Variants in SORCS2 observed in about 807,000 individuals in gnomAD.
SORCS2 encodes VPS10 domain-containing receptor SorCS2.
In SORCS2, 100 loss-of-function variants were observed where a neutral mutation model predicts 141.6. The observed-to-expected ratio is 0.71, with a 90% CI of 0.60 to 0.83. The LOEUF (loss-of-function observed/expected upper bound fraction) is 0.83, where lower values mean the gene tolerates loss of function less well. SORCS2 is among the 40% of genes least tolerant of loss of function. The pLI, the probability that SORCS2 is intolerant of heterozygous loss-of-function variation, is 0.00. For missense variants in SORCS2, 1,646 were observed against 1,560.2 expected, an observed-to-expected ratio of 1.05 and a Z score of -0.93; for synonymous variants, 789 against 676.9, an observed-to-expected ratio of 1.17 and a Z score of -2.57.
chr4:7,342,609 G>A (rs915097068), intron 1 of SORCS2, among the ~76,000 whole-genome samples: 2 of 152,094 alleles, frequency 1.3e-5, no homozygotes, highest in African/African-American at 4.8e-5. Flanking sequence ...AGGGACCTTG[G>A]GGCCCGGCCT....
chr4:7,657,805 A>AGTGAATGAGTGAGTGG (rs1207191139), intron 5 of SORCS2, among the ~76,000 whole-genome samples: 1 of 151,424 alleles, frequency 6.6e-6, no homozygotes, highest in Non-Finnish European at 1.5e-5. Flanking sequence ...TGAGTGAGTG[A>AGTGAATGAGTGAGTGG]GTGAATGAGT....
intron 1 of SORCS2, among the ~76,000 whole-genome samples, chr4:7,260,512 T>C (rs1714249828): frequency 6.6e-6 from 1 of 152,250 alleles, no homozygotes; most frequent in Admixed American, 6.5e-5. Context: ...CCAGTGGGCT[T>C]TTAACAGTTG....
chr4:7,516,771 T>TG (rs1733010706), intron 2 of SORCS2, among the ~76,000 whole-genome samples: 1 of 152,214 alleles, frequency 6.6e-6, no homozygotes, highest in Non-Finnish European at 1.5e-5. Context: ...CTTCTCGGCA[T>TG]GGTCCTAGCT....
intron 8 of SORCS2, among the ~76,000 whole-genome samples, chr4:7,673,432 G>C (rs1722908786): frequency 6.6e-6 from 1 of 152,176 alleles, no homozygotes; most frequent in South Asian, 2.1e-4. Context: ...CAGCTCAGTG[G>C]AATATGGCCC....
intron 1 of SORCS2, among the ~76,000 whole-genome samples, chr4:7,270,485 T>C (rs1715049856): frequency 6.6e-6 from 1 of 152,206 alleles, no homozygotes. Context: ...CTCCAGCGCT[T>C]CCTCTGAGGG....
At chr4:7,701,636 C>T (rs1263641099) in intron 12 of SORCS2, among the ~76,000 whole-genome samples, 1 of 152,172 alleles carries the variant, frequency 6.6e-6, no homozygotes, top group Non-Finnish European at 1.5e-5. Context: ...GTCAGGGTAC[C>T]TGCTGGACAC....
At position 7,421,671 on chromosome 4, in the gene SORCS2, C is replaced by T. The variant is rs140794514; in HGVS notation, c.548+25316C>T. Among the ~76,000 whole-genome samples, 859 of 152,276 alleles carry T rather than the reference C, an allele frequency of 5.6e-3. 10 individuals are homozygous for T. Among genetic ancestry groups the T allele is most frequent in the African/African-American group, 0.02 (814 of 41,552 alleles). ...GCCTGGCCTCCCTCTCCAGTGGCTCCGGGGACAGCGAGTGACTGTGCACAG... is the reference window on the plus strand; with the variant it reads ...GCCTGGCCTCCCTCTCCAGTGGCTCTGGGGACAGCGAGTGACTGTGCACAG... On this transcript the variant is annotated intron_variant, in intron 2 of 26. Coordinates refer to ENST00000507866, the MANE Select transcript of SORCS2 (RefSeq NM_020777.3).
At chr4:7,707,118 G>C (rs566010566) in intron 14 of SORCS2, among the ~76,000 whole-genome samples, 3 of 152,216 alleles carry the variant, frequency 2.0e-5, no homozygotes, top group African/African-American at 7.2e-5. Context: ...TGTCCTCTCC[G>C]GGCCGAGCAG....
At chr4:7,636,971 C>A (rs556819142) in intron 3 of SORCS2, among the ~76,000 whole-genome samples, 1 of 152,190 alleles carries the variant, frequency 6.6e-6, no homozygotes, top group East Asian at 1.9e-4. Context: ...CAATTCATGG[C>A]CGTGGTGATG....
chr4:7,381,704 T>C (rs891811583), intron 1 of SORCS2, among the ~76,000 whole-genome samples: 3 of 152,218 alleles, frequency 2.0e-5, no homozygotes, highest in South Asian at 2.1e-4. Context: ...CCTCCCCAGA[T>C]GTCCTCTGGA....
chr4:7,406,060 T>C (rs1249737101), intron 2 of SORCS2, among the ~76,000 whole-genome samples: 2 of 152,168 alleles, frequency 1.3e-5, no homozygotes, highest in African/African-American at 4.8e-5. Context: ...GATTTGCATA[T>C]GTTAAACCAT....
At chr4:7,276,915 G>C (rs1330220486) in intron 1 of SORCS2, among the ~76,000 whole-genome samples, 1 of 152,208 alleles carries the variant, frequency 6.6e-6, no homozygotes, top group African/African-American at 2.4e-5. Context: ...CAGTGGTAGG[G>C]CCAGGATTGG....
chr4:7,577,235 G>T (rs1287317529), intron 3 of SORCS2, among the ~76,000 whole-genome samples: 1 of 152,164 alleles, frequency 6.6e-6, no homozygotes, highest in African/African-American at 2.4e-5. Flanking sequence ...ATAAGGAGAG[G>T]GTTCCTTAAA....
chr4:7,412,429 TGGCA>T (rs1383280463), intron 2 of SORCS2, among the ~76,000 whole-genome samples: 1 of 152,208 alleles, frequency 6.6e-6, no homozygotes, highest in East Asian at 1.9e-4. Context: ...CTTCTCTCCC[TGGCA>T]GAGTGACAGC....
chr4:7,475,719 C>G (rs1383764911), intron 2 of SORCS2, among the ~76,000 whole-genome samples: 1 of 152,260 alleles, frequency 6.6e-6, no homozygotes, highest in African/African-American at 2.4e-5. Flanking sequence ...CACACATACA[C>G]ACACATGCAC....
rs544805053 is a variant in SORCS2, at chr4:7,504,746, T to A, written c.549-26784T>A. Among the ~76,000 whole-genome samples, 14 of 152,326 alleles carry A rather than the reference T, an allele frequency of 9.2e-5. No individual in the cohort carries two copies. The South Asian group carries it at 2.7e-3, about 29-fold the overall frequency. On this transcript the variant is annotated intron_variant, in intron 2 of 26. Transcript: ENST00000507866. ...GAAGCTTGAACACGGGGACCGCATT[T>A]TCATTTTGTCTTGGGCCTCACAAAT...
chr4:7,739,977 C>T (rs559947452), intron 26 of SORCS2, among the ~76,000 whole-genome samples: 2 of 152,278 alleles, frequency 1.3e-5, no homozygotes, highest in East Asian at 1.9e-4. Flanking sequence ...CCTCTCAGGC[C>T]CTCTGGGGCC....
chr4:7,395,284 C>T (rs573486257), intron 1 of SORCS2, among the ~76,000 whole-genome samples: 57 of 152,320 alleles, frequency 3.7e-4, no homozygotes, highest in African/African-American at 1.2e-3. Flanking sequence ...TCTGCTTCCA[C>T]GGAGGAGCCC....
intron 1 of SORCS2, among the ~76,000 whole-genome samples, chr4:7,373,947 C>A (rs1722443197): frequency 6.6e-6 from 1 of 151,980 alleles, no homozygotes; most frequent in African/African-American, 2.4e-5. Context: ...TTTTATGATT[C>A]CTGCTTTTAT....
Sources: allele counts gnomAD v4.1 joint callset (sites outside exome capture counted in the v4.1 genomes callset), GRCh38; gene constraint gnomAD v4.1.1; transcripts MANE v1.5; gene names NCBI Gene and HGNC (gene_info 2026-07-23, HGNC 2026-07-21).